Variants in MTSS1 observed in about 807,000 individuals in gnomAD.
MTSS1 encodes the protein MTSS I-BAR domain containing 1.
MTSS1 carries 18 observed loss-of-function variants against 79.0 expected under a neutral mutation model. That is an observed-to-expected ratio of 0.23 (90% CI 0.16 to 0.34). The LOEUF is 0.34. Ranked by LOEUF, MTSS1 falls within the 10% of genes least tolerant of loss-of-function variation. The probability of loss-of-function intolerance (pLI) is 1.00; values close to 1 mark genes in which losing one functional copy is unlikely to be tolerated. For synonymous variants in MTSS1, 341 were observed against 368.6 expected (o/e 0.93, Z 0.86); for missense variants, 815 against 986.2 (o/e 0.83, Z 2.33).
chr8:124,560,827 T>C (rs1586805705), intron 10 of MTSS1, among the ~76,000 whole-genome samples: 1 of 152,190 alleles, frequency 6.6e-6, no homozygotes, highest in Non-Finnish European at 1.5e-5. Flanking sequence ...CACAGATGGG[T>C]GAGGGCACAA....
intron 3 of MTSS1, among the ~76,000 whole-genome samples, chr8:124,668,749 C>G (rs1823586430): frequency 6.6e-6 from 1 of 152,144 alleles, no homozygotes; most frequent in African/African-American, 2.4e-5. Flanking sequence ...TACCCAGAAC[C>G]CAAACTCCAT....
intron 6 of MTSS1, among the ~76,000 whole-genome samples, chr8:124,578,994 C>T (rs1280671196): frequency 6.6e-6 from 1 of 152,024 alleles, no homozygotes; most frequent in Non-Finnish European, 1.5e-5. Context: ...TATTTATACC[C>T]AAATTCACTG....
At chr8:124,652,815 A>AG (rs1226403337) in intron 3 of MTSS1, among the ~76,000 whole-genome samples, 1 of 142,486 alleles carries the variant, frequency 7.0e-6, no homozygotes, top group Non-Finnish European at 1.5e-5. Context: ...AAAAAAAAAC[A>AG]CAGCCATCAA....
At chr8:124,625,172 G>A (rs1324498223) in intron 3 of MTSS1, among the ~76,000 whole-genome samples, 1 of 152,124 alleles carries the variant, frequency 6.6e-6, no homozygotes, top group East Asian at 1.9e-4. Flanking sequence ...GATCAGATTC[G>A]TGTCCTGCCT....
intron 3 of MTSS1, among the ~76,000 whole-genome samples, chr8:124,647,153 T>TC (rs1819143208): frequency 1.3e-5 from 2 of 152,212 alleles, no homozygotes; most frequent in African/African-American, 4.8e-5. Flanking sequence ...CAGTCATTCC[T>TC]CTTTAAATAA....
chr8:124,583,607 G>A (rs899704711), intron 6 of MTSS1, among the ~76,000 whole-genome samples: 3 of 152,146 alleles, frequency 2.0e-5, no homozygotes, highest in African/African-American at 7.2e-5. Context: ...ACTGAGTGGT[G>A]GAAGAGCTGA....
chr8:124,721,772 T>C (rs568184321), intron 1 of MTSS1, among the ~76,000 whole-genome samples: 2 of 152,200 alleles, frequency 1.3e-5, no homozygotes, highest in Admixed American at 1.3e-4. Context: ...CCTGGGGTGC[T>C]TTTCAAAATC....
chr8:124,685,284 C>T (rs1203259687), intron 3 of MTSS1, among the ~76,000 whole-genome samples: 1 of 152,120 alleles, frequency 6.6e-6, no homozygotes, highest in Non-Finnish European at 1.5e-5. Context: ...AAACTGTTTA[C>T]TTAAAAATGA....
chr8:124,629,505 C>CAAAAAAA (rs982816199), intron 3 of MTSS1, among the ~76,000 whole-genome samples: 39 of 62,088 alleles, frequency 6.3e-4, no homozygotes, highest in African/African-American at 1.5e-3. Flanking sequence ...GACTCCGTCT[C>CAAAAAAA]AAAAAAAAAA....
chr8:124,642,270 A>C (rs1293428146), intron 3 of MTSS1, among the ~76,000 whole-genome samples: 1 of 152,216 alleles, frequency 6.6e-6, no homozygotes, highest in Non-Finnish European at 1.5e-5. Flanking sequence ...TCAGCAGATA[A>C]AGCTTTCACT....
At chr8:124,708,549 A>G (rs569283932) in intron 1 of MTSS1, among the ~76,000 whole-genome samples, 33 of 152,262 alleles carry the variant, frequency 2.2e-4, no homozygotes, top group African/African-American at 7.9e-4. Flanking sequence ...GTGCCAGACA[A>G]TTTCTCTGCT....
At chr8:124,639,116 C>G (rs1451590979) in intron 3 of MTSS1, among the ~76,000 whole-genome samples, 2 of 152,192 alleles carry the variant, frequency 1.3e-5, no homozygotes, top group Non-Finnish European at 2.9e-5. Flanking sequence ...GCAGGCGGAT[C>G]ACTAGAGGTC....
intron 10 of MTSS1, among the ~76,000 whole-genome samples, chr8:124,560,707 T>C (rs963127039): frequency 1.3e-5 from 2 of 152,066 alleles, no homozygotes; most frequent in Non-Finnish European, 2.9e-5. Flanking sequence ...GGACTGCAGG[T>C]TCAGATTTCT....
chr8:124,683,743 C>T lies in MTSS1; in HGVS notation c.208+15783G>A, dbSNP rs921998168. Reference sequence around the variant, plus strand: ...ATGGCTGAGCAGACACACTCAGGACCAAGACCCCATAATACAGCAGTTAAA... The same window carrying T: ...ATGGCTGAGCAGACACACTCAGGACTAAGACCCCATAATACAGCAGTTAAA... On this transcript the variant is annotated intron_variant, in intron 3 of 13. Coordinates refer to ENST00000518547, the MANE Select transcript of MTSS1 (RefSeq NM_014751.6). This position sits in a 1 kb window ranked among gnomAD's most constrained non-coding sequence, Gnocchi z 4.5. 1.3e-5 allele frequency among the ~76,000 whole-genome samples: 2 copies of T among 152,196 alleles called. No individual in the cohort carries two copies. Among genetic ancestry groups the T allele is most frequent in the African/African-American group, 4.8e-5 (2 of 41,436 alleles).
chr8:124,683,263 A>T lies in MTSS1; in HGVS notation c.208+16263T>A, dbSNP rs1826424436. 6.6e-6 allele frequency among the ~76,000 whole-genome samples: 1 copy of T among 152,334 alleles called. No homozygotes were observed. The highest frequency in any genetic ancestry group is 1.5e-5 in the Non-Finnish European group (1 of 68,034). ...AGCAGCCCACAATTTTAAAAAAATG[A>T]AATTTAAAAAATGGAAGAAAAACAA... On this transcript the variant is annotated intron_variant, in intron 3 of 13. Coordinates refer to ENST00000518547, the MANE Select transcript of MTSS1 (RefSeq NM_014751.6). The surrounding 1 kb of genome is among the most constrained non-coding windows in gnomAD (Gnocchi z 4.5).
chr8:124,704,474 T>G (rs1295188550), intron 1 of MTSS1, among the ~76,000 whole-genome samples: 1 of 152,162 alleles, frequency 6.6e-6, no homozygotes, highest in Non-Finnish European at 1.5e-5. Flanking sequence ...TGGGTCCAAA[T>G]TTAAGGTGTA....
intron 3 of MTSS1, among the ~76,000 whole-genome samples, chr8:124,675,652 C>T (rs143640836): frequency 3.0e-4 from 45 of 152,258 alleles, no homozygotes; most frequent in African/African-American, 8.4e-4. Flanking sequence ...GCAGTCATTC[C>T]CCATTCCCTA....
In MTSS1 at chr8:124,597,641, G is replaced by C. The variant is rs561027518; in HGVS notation, c.209-6406C>G. Among the ~76,000 whole-genome samples the C allele has an allele frequency of 7.2e-5, 11 of 152,308 alleles. No homozygotes were observed. Among genetic ancestry groups the C allele is most frequent in the African/African-American group, 2.6e-4 (11 of 41,568 alleles). On this transcript the variant is annotated intron_variant, in intron 3 of 13. Coordinates refer to ENST00000518547, the MANE Select transcript of MTSS1 (RefSeq NM_014751.6). The surrounding 1 kb of genome is among the most constrained non-coding windows in gnomAD (Gnocchi z 4.6). ...CAGGGGACTAATGGCAGGCATTCTT[G>C]GGGGCTACAGTGTGGGCAGGTGGCG...
chr8:124,593,847 G>A (rs965342508), intron 3 of MTSS1, among the ~76,000 whole-genome samples: 1 of 152,208 alleles, frequency 6.6e-6, no homozygotes, highest in African/African-American at 2.4e-5. Flanking sequence ...CACTTGTGAT[G>A]GACAAAGGGA....
Sources: gnomAD v4.1 joint callset for allele counts (sites outside exome capture counted in the v4.1 genomes callset) on GRCh38, gnomAD v4.1.1 for gene constraint, Gnocchi (gnomAD v3.1) non-coding constraint, MANE v1.5 for transcripts, NCBI Gene and HGNC (gene_info 2026-07-23, HGNC 2026-07-21) for gene names.